Variants in SLC7A1 observed in about 807,000 individuals in gnomAD.
SLC7A1 encodes high affinity cationic amino acid transporter 1.
A neutral mutation model predicts 53.9 loss-of-function variants in SLC7A1; 10 were observed. That is an observed-to-expected ratio of 0.19 (90% CI 0.11 to 0.31). SLC7A1 has a LOEUF of 0.31. Ranked by LOEUF, SLC7A1 falls within the 10% of genes least tolerant of loss-of-function variation. The probability of loss-of-function intolerance (pLI) is 1.00; values close to 1 mark genes in which losing one functional copy is unlikely to be tolerated. For synonymous variants in SLC7A1, 342 were observed against 338.7 expected (o/e 1.01, Z -0.11); for missense variants, 525 against 827.2 (o/e 0.63, Z 4.48).
chr13:29,540,107 C>G (rs374382381), intron 2 of SLC7A1, among the ~76,000 whole-genome samples: 1 of 152,206 alleles, frequency 6.6e-6, no homozygotes, highest in Non-Finnish European at 1.5e-5. Context: ...TGAGGCTGCA[C>G]GAAGCTACTC....
chr13:29,552,142 T>A (rs1285311043), intron 2 of SLC7A1, among the ~76,000 whole-genome samples: 1 of 151,612 alleles, frequency 6.6e-6, no homozygotes, highest in African/African-American at 2.4e-5. Flanking sequence ...ATAGCCATAG[T>A]CTCAGAATTA....
At chr13:29,550,424 C>T (rs1247374961) in intron 2 of SLC7A1, among the ~76,000 whole-genome samples, 1 of 152,242 alleles carries the variant, frequency 6.6e-6, no homozygotes, top group Non-Finnish European at 1.5e-5. Flanking sequence ...TTCAACTCCC[C>T]CTTTCAAGGA....
chr13:29,582,097 AT>A lies in SLC7A1; in HGVS notation c.-115+13318del, dbSNP rs542049946. Among the ~76,000 whole-genome samples the A allele has an allele frequency of 1.3e-4, 20 of 152,318 alleles. 1 individual carries two copies. The South Asian group carries it at 3.5e-3, about 27-fold the overall frequency. On this transcript the variant is annotated intron_variant, in intron 1 of 12. Transcript: ENST00000380752. ...CAAGAGGGGAACTGTAAGTTTCTCC[AT>A]TTTTCAAATGAGGAAACTGAGGCAC...
chr13:29,590,800 T>C (rs1368609745), intron 1 of SLC7A1, among the ~76,000 whole-genome samples: 1 of 152,138 alleles, frequency 6.6e-6, no homozygotes, highest in African/African-American at 2.4e-5. Flanking sequence ...AATTAAGTTG[T>C]TGTAAAAATT....
chr13:29,548,164 G>A (rs779581089), intron 2 of SLC7A1, among the ~76,000 whole-genome samples: 8 of 152,214 alleles, frequency 5.3e-5, no homozygotes, highest in Admixed American at 3.3e-4. Flanking sequence ...TGGCAAGTCA[G>A]ACTGAAAAGC....
At chr13:29,523,514 G>A in intron 6 of SLC7A1, 26 bp from the exon 7 acceptor site, 2 of 1,551,152 alleles carry the variant, frequency 1.3e-6, no homozygotes, top group African/African-American at 1.4e-5. Context: ...GTCAGCGGAG[G>A]AGGGCACACA....
chr13:29,550,587 T>C (rs1870132014), intron 2 of SLC7A1, among the ~76,000 whole-genome samples: 1 of 152,192 alleles, frequency 6.6e-6, no homozygotes, highest in Admixed American at 6.5e-5. Flanking sequence ...GCAGCCTGCA[T>C]GTCGGCCAAA....
intron 12 of SLC7A1, among the ~76,000 whole-genome samples, 173 bp from the exon 13 acceptor site, chr13:29,514,756 A>G (rs1883505565): frequency 6.6e-6 from 1 of 152,196 alleles, no homozygotes; most frequent in Non-Finnish European, 1.5e-5. Context: ...AGCAGCTGCC[A>G]CACGAAGGCC....
At chr13:29,517,886 C>T (rs1263155220) in intron 9 of SLC7A1, 96 bp from the exon 10 acceptor site, 45 of 907,596 alleles carry the variant, frequency 5.0e-5, no homozygotes, top group East Asian at 1.7e-4. Context: ...GTGAGCTGCC[C>T]GGGACACAAG....
Position 29,521,722 on chromosome 13 carries a change from G to GATTA in SLC7A1, c.1189+591_1189+594dup, listed in dbSNP as rs1868639883. ...GGCCCTGGAACACCTACACGGCTCA[G>GATTA]ATTAGTCCACTGATTTCATCCATCA... On this transcript the variant is annotated intron_variant, in intron 8 of 12. Coordinates refer to ENST00000380752, the MANE Select transcript of SLC7A1 (RefSeq NM_003045.5). 2.0e-5 allele frequency among the ~76,000 whole-genome samples: 3 copies of GATTA among 152,316 alleles called. No homozygotes were observed. The South Asian group carries it at 6.2e-4, about 32-fold the overall frequency.
intron 1 of SLC7A1, among the ~76,000 whole-genome samples, chr13:29,585,995 A>C (rs1871863599): frequency 6.6e-6 from 1 of 152,256 alleles, no homozygotes; most frequent in South Asian, 2.1e-4. Context: ...ACAGGACAGG[A>C]CAAACTGGCC....
intron 2 of SLC7A1, among the ~76,000 whole-genome samples, chr13:29,547,878 A>C (rs1220108908): frequency 6.6e-6 from 1 of 152,220 alleles, no homozygotes; most frequent in Non-Finnish European, 1.5e-5. Context: ...GACCCAAAAA[A>C]CACCGAGGAA....
At chr13:29,581,684 C>T (rs775338684) in intron 1 of SLC7A1, among the ~76,000 whole-genome samples, 8 of 152,212 alleles carry the variant, frequency 5.3e-5, no homozygotes, top group South Asian at 4.1e-4. Flanking sequence ...GCTCTGGCAG[C>T]GCCATGCCTG....
rs116602085 is a variant in SLC7A1, at chr13:29,549,302, C to T, written c.-15+4459G>A. Among the ~76,000 whole-genome samples, 393 of 152,334 alleles carry T rather than the reference C, an allele frequency of 2.6e-3. 2 individuals carry two copies. Among genetic ancestry groups the T allele is most frequent in the African/African-American group, 8.8e-3 (367 of 41,578 alleles). ...GGACCAGGAGGAAGCCAGCGAAGAA[C>T]AAGGCAGCCCAGGATGCGGGACCAG... On this transcript the variant is annotated intron_variant, in intron 2 of 12. Transcript: ENST00000380752.
intron 1 of SLC7A1, among the ~76,000 whole-genome samples, chr13:29,591,032 C>T (rs1231921557): frequency 6.6e-6 from 1 of 152,048 alleles, no homozygotes; most frequent in Admixed American, 6.6e-5. Flanking sequence ...ATCGCTTGAT[C>T]CCAGGAGGTG....
At chr13:29,545,574 C>T (rs1370402601) in intron 2 of SLC7A1, among the ~76,000 whole-genome samples, 1 of 152,234 alleles carries the variant, frequency 6.6e-6, no homozygotes, top group Non-Finnish European at 1.5e-5. Flanking sequence ...TGCAAAGAAC[C>T]ATCAGCATCA....
chr13:29,534,896 C>T (rs1158538850), intron 3 of SLC7A1, among the ~76,000 whole-genome samples: 5 of 152,194 alleles, frequency 3.3e-5, no homozygotes, highest in African/African-American at 1.2e-4. Context: ...ATGTGTTCAA[C>T]TTCAGTTGTA....
At chr13:29,516,976 T>TG in intron 11 of SLC7A1, 168 bp downstream of exon 11, 1 of 564,760 alleles carries the variant, frequency 1.8e-6, no homozygotes, top group Non-Finnish European at 3.0e-6. Flanking sequence ...TTCCAGGGTC[T>TG]GGTCCTCTCT....
intron 1 of SLC7A1, among the ~76,000 whole-genome samples, chr13:29,563,332 T>G (rs944085987): frequency 6.6e-6 from 1 of 152,258 alleles, no homozygotes; most frequent in Admixed American, 6.5e-5. Context: ...TGTGCAACGG[T>G]GGACGGCAAA....
Sources: allele counts gnomAD v4.1 joint callset (sites outside exome capture counted in the v4.1 genomes callset), GRCh38; gene constraint gnomAD v4.1.1; transcripts MANE v1.5; gene names NCBI Gene and HGNC (gene_info 2026-07-23, HGNC 2026-07-21).